The following PLD1 variants were observed in gnomAD, a reference collection of about 807,000 sequenced individuals.
The protein encoded by PLD1 is choline phosphatase 1.
Under a neutral mutation model 137.1 loss-of-function variants are expected in PLD1, and 112 were observed. The ratio of observed to expected loss-of-function variants is 0.82; its 90% CI spans 0.70 to 0.96. The LOEUF is 0.96. PLD1 is among the 40% of genes least tolerant of loss of function. The probability of loss-of-function intolerance (pLI) is 0.00; values close to 1 mark genes in which losing one functional copy is unlikely to be tolerated. For synonymous variants in PLD1, 431 were observed against 454.7 expected, an observed-to-expected ratio of 0.95 and a Z score of 0.66; for missense variants, 1,321 against 1,342.0, an observed-to-expected ratio of 0.98 and a Z score of 0.24.
At chr3:171,603,568 A>AT (rs1001068808) in intron 26 of PLD1, among the ~76,000 whole-genome samples, 44 of 152,088 alleles carry the variant, frequency 2.9e-4, no homozygotes, top group African/African-American at 6.7e-4. Flanking sequence ...ATTAAGGTTA[A>AT]TTTTTTTTGG....
intron 16 of PLD1, among the ~76,000 whole-genome samples, chr3:171,682,167 A>AGAAAGAAAGAAG (rs1553819290): frequency 5.7e-4 from 17 of 30,042 alleles, no homozygotes; most frequent in Non-Finnish European, 9.5e-4. Context: ...AAAGAAAGAA[A>AGAAAGAAAGAAG]AAGAAAGAAA....
intron 18 of PLD1, among the ~76,000 whole-genome samples, chr3:171,675,457 G>GT (rs1169061518): frequency 6.6e-6 from 1 of 152,152 alleles, no homozygotes; most frequent in Admixed American, 6.5e-5. Flanking sequence ...CCCGGAAATA[G>GT]TTTTTCTGGA....
At chr3:171,667,845 G>A (rs1402773507) in intron 19 of PLD1, among the ~76,000 whole-genome samples, 10 of 152,150 alleles carry the variant, frequency 6.6e-5, no homozygotes, top group East Asian at 3.9e-4. Flanking sequence ...TCTGCCTCCC[G>A]GGTTCAAGCA....
At chr3:171,604,432 G>C (rs143796736) in intron 26 of PLD1, among the ~76,000 whole-genome samples, 1 of 151,536 alleles carries the variant, frequency 6.6e-6, no homozygotes, top group Non-Finnish European at 1.5e-5. Context: ...GAAAAATTGC[G>C]TATTTTCCCT....
At chr3:171,696,338 C>T (rs570292316) in intron 12 of PLD1, among the ~76,000 whole-genome samples, 156 of 152,240 alleles carry the variant, frequency 1.0e-3, no homozygotes, top group African/African-American at 3.5e-3. Flanking sequence ...TGAAGATTGG[C>T]TTTTATTATT....
intron 11 of PLD1, among the ~76,000 whole-genome samples, chr3:171,705,881 G>C (rs147512708): frequency 0.013 from 1,973 of 152,278 alleles, 19 homozygotes; most frequent in Middle Eastern, 0.021. Context: ...GTTGCCCATA[G>C]ACTGTTTTAG....
rs149680370 is a variant in PLD1 at position 171,688,726 on chromosome 3, C to A, written c.1489G>T (p.Val497Leu). 6 of 1,614,030 alleles carry A rather than the reference C, an allele frequency of 3.7e-6. No individual in the cohort carries two copies. The highest frequency in any genetic ancestry group is 5.1e-6 in the Non-Finnish European group (6 of 1,180,026). Residue 497 changes from valine to leucine, a missense_variant, in exon 14 of 27, where the codon GTG becomes TTG. By Grantham distance (32) the Val-to-Leu change is conservative. Transcript: ENST00000351298. ...GAAGTGACCCGCTTCACACTGCCCA[C>A]GTCTGTGAGTCTGTGCTCATTGTCG... ...WDDNEHRLTD[V>L]GSVKRVTSGP...
intron 1 of PLD1, among the ~76,000 whole-genome samples, chr3:171,781,340 A>G (rs1341742670): frequency 2.0e-5 from 3 of 152,158 alleles, no homozygotes; most frequent in Non-Finnish European, 4.4e-5. Flanking sequence ...ATAGACATAA[A>G]TGTAAAAACT....
intron 1 of PLD1, among the ~76,000 whole-genome samples, chr3:171,794,595 G>A (rs1250432430): frequency 6.6e-6 from 1 of 152,030 alleles, no homozygotes; most frequent in Non-Finnish European, 1.5e-5. Context: ...GCCTTAGGAG[G>A]TGATAGAGAA....
At chr3:171,701,054 G>C (rs1347811520) in intron 11 of PLD1, among the ~76,000 whole-genome samples, 1 of 152,208 alleles carries the variant, frequency 6.6e-6, no homozygotes, top group Non-Finnish European at 1.5e-5. Flanking sequence ...CTCTAAGCAT[G>C]TGAAATCAAC....
At position 171,785,727 on chromosome 3, in the gene PLD1, A is replaced by G. The variant is rs533122842; in HGVS notation, c.-32+24672T>C. On this transcript the variant is annotated intron_variant, in intron 1 of 26. Transcript: ENST00000351298. ...GCTGGGATTATAGGCGTGAGCCACC[A>G]CGCCCAGCCTCCAGTGTCTATTTTA... Among the ~76,000 whole-genome samples, 26 of 152,148 alleles carry G rather than the reference A, an allele frequency of 1.7e-4. No individual in the cohort carries two copies. The South Asian group carries it at 5.2e-3, about 30-fold the overall frequency.
At chr3:171,681,454 CA>C (rs1224782858) in intron 16 of PLD1, among the ~76,000 whole-genome samples, 1 of 152,166 alleles carries the variant, frequency 6.6e-6, no homozygotes, top group Non-Finnish European at 1.5e-5. Flanking sequence ...AATACTTTTG[CA>C]TTTCCTATAT....
chr3:171,771,081 C>T (rs960333850), intron 1 of PLD1: 2 of 151,970 alleles, frequency 1.3e-5, no homozygotes, highest in African/African-American at 4.8e-5. Flanking sequence ...GATAAACGAA[C>T]TCACATTATT....
At chr3:171,777,979 T>G (rs1453823460) in intron 1 of PLD1, among the ~76,000 whole-genome samples, 1 of 152,204 alleles carries the variant, frequency 6.6e-6, no homozygotes, top group East Asian at 1.9e-4. Flanking sequence ...AACTACATAT[T>G]ACAAGTTATA....
At chr3:171,705,045 C>T (rs1252372894) in intron 11 of PLD1, among the ~76,000 whole-genome samples, 2 of 152,172 alleles carry the variant, frequency 1.3e-5, no homozygotes, top group African/African-American at 4.8e-5. Context: ...TCGCTACCTC[C>T]CCCGACAAGC....
At chr3:171,728,949 T>A (rs1281650848) in intron 6 of PLD1, among the ~76,000 whole-genome samples, 1 of 151,754 alleles carries the variant, frequency 6.6e-6, no homozygotes, top group Non-Finnish European at 1.5e-5. Flanking sequence ...AATCTGGCAA[T>A]AAACGTTTTT....
intron 1 of PLD1, among the ~76,000 whole-genome samples, chr3:171,776,525 G>A (rs757584241): frequency 8.5e-5 from 13 of 152,298 alleles, no homozygotes; most frequent in Admixed American, 6.5e-4. Flanking sequence ...CTTTACTTAA[G>A]CAATTGGTTT....
chr3:171,807,465 C>T (rs578165256), intron 1 of PLD1, among the ~76,000 whole-genome samples: 1 of 151,986 alleles, frequency 6.6e-6, no homozygotes, highest in South Asian at 2.1e-4. Flanking sequence ...GGTAGCACAA[C>T]GATGTGAATG....
intron 19 of PLD1, among the ~76,000 whole-genome samples, chr3:171,672,645 G>A (rs1374483659): frequency 6.6e-6 from 1 of 151,874 alleles, no homozygotes; most frequent in African/African-American, 2.4e-5. Context: ...GTGCCACCAT[G>A]CCTGGCTAAT....
Sources: gnomAD v4.1 joint callset for allele counts (sites outside exome capture counted in the v4.1 genomes callset) on GRCh38, gnomAD v4.1.1 for gene constraint, MANE v1.5 for transcripts, NCBI Gene and HGNC (gene_info 2026-07-23, HGNC 2026-07-21) for gene names.